The following TP63 variants were observed in gnomAD, a reference collection of about 807,000 sequenced individuals.
TP63 encodes tumor protein 63.
Under a neutral mutation model 82.8 loss-of-function variants are expected in TP63, and 17 were observed. That is an observed-to-expected ratio of 0.21 (90% CI 0.14 to 0.31). The LOEUF (loss-of-function observed/expected upper bound fraction) is 0.31, where lower values mean the gene tolerates loss of function less well. TP63 is among the 10% of genes least tolerant of loss of function. TP63 has a pLI of 1.00. For missense variants in TP63, 648 were observed against 895.3 expected (o/e 0.72, Z 3.52); for synonymous variants, 330 against 321.7 (o/e 1.03, Z -0.28).
intron 1 of TP63, 79 bp from the exon 2 acceptor site, chr3:189,737,661 A>G (rs1720693385): frequency 1.3e-6 from 2 of 1,509,100 alleles, no homozygotes; most frequent in Admixed American, 3.4e-5. Context: ...TGTTTTCATG[A>G]TAGAGTATGC....
intron 1 of TP63, among the ~76,000 whole-genome samples, chr3:189,692,560 C>T (rs1006530640): frequency 1.3e-5 from 2 of 151,986 alleles, no homozygotes; most frequent in African/African-American, 4.8e-5. Context: ...TATAGCTTTT[C>T]CTCATTCCAC....
chr3:189,722,379 T>C (rs1342661847), intron 1 of TP63, among the ~76,000 whole-genome samples: 1 of 152,228 alleles, frequency 6.6e-6, no homozygotes, highest in African/African-American at 2.4e-5. Flanking sequence ...TCAGCAATCC[T>C]TGGGCTGTAG....
intron 4 of TP63, among the ~76,000 whole-genome samples, chr3:189,840,568 T>C (rs1191738233): frequency 6.6e-6 from 1 of 151,684 alleles, no homozygotes. Flanking sequence ...TGTTAAAAAA[T>C]TGTTCACGGT....
At chr3:189,641,496 T>G (rs993653477) in intron 1 of TP63, among the ~76,000 whole-genome samples, 1 of 152,114 alleles carries the variant, frequency 6.6e-6, no homozygotes, top group Admixed American at 6.6e-5. Context: ...GTAAAACAAT[T>G]GTTTTCCATG....
chr3:189,726,296 C>G (rs1478407115), intron 1 of TP63, among the ~76,000 whole-genome samples: 1 of 152,026 alleles, frequency 6.6e-6, no homozygotes, highest in African/African-American at 2.4e-5. Context: ...GTGATCTTGA[C>G]AAGTATTTTA....
Position 189,774,303 on chromosome 3 carries a change from T to C in TP63, c.325-33969T>C, listed in dbSNP as rs76468287. Among the ~76,000 whole-genome samples, 1,439 of 152,338 alleles carry C rather than the reference T, an allele frequency of 9.4e-3. 21 individuals carry two copies. The highest frequency in any genetic ancestry group is 0.031 in the African/African-American group (1,292 of 41,570). ...CAAAAAAACCAAGTTCTTAGCTTCA[T>C]ATTTATAGTTTGTCTAAAGAAAAAA... On this transcript the variant is annotated intron_variant, in intron 3 of 13. Coordinates refer to ENST00000264731, the MANE Select transcript of TP63 (RefSeq NM_003722.5).
chr3:189,646,697 AC>A (rs1712449348), intron 1 of TP63, among the ~76,000 whole-genome samples: 1 of 146,952 alleles, frequency 6.8e-6, no homozygotes, highest in African/African-American at 2.6e-5. Context: ...TGGGAATCTG[AC>A]CTATAGAGAT....
chr3:189,792,782 T>C lies in TP63; in HGVS notation c.325-15490T>C, dbSNP rs150943038. Among the ~76,000 whole-genome samples, 429 of 152,158 alleles carry C rather than the reference T, an allele frequency of 2.8e-3. 8 individuals are homozygous for C. The South Asian group carries it at 0.044, about 16-fold the overall frequency. On this transcript the variant is annotated intron_variant, in intron 3 of 13. Coordinates refer to ENST00000264731, the MANE Select transcript of TP63 (RefSeq NM_003722.5). ...CCAAAACAGTTTCCATGAAGAACAGTTGTACAAAGCCAGTTGAATGCAAGA... is the reference window on the plus strand; with the variant it reads ...CCAAAACAGTTTCCATGAAGAACAGCTGTACAAAGCCAGTTGAATGCAAGA...
chr3:189,684,330 A>C (rs1716231765), intron 1 of TP63, among the ~76,000 whole-genome samples: 1 of 152,188 alleles, frequency 6.6e-6, no homozygotes, highest in African/African-American at 2.4e-5. Context: ...CATACACATT[A>C]TAAATGCTGT....
intron 4 of TP63, among the ~76,000 whole-genome samples, chr3:189,810,915 A>C (rs1727488714): frequency 6.6e-6 from 1 of 151,966 alleles, no homozygotes; most frequent in Admixed American, 6.6e-5. Flanking sequence ...CTAAACCATC[A>C]CTCAAAGCCC....
intron 1 of TP63, among the ~76,000 whole-genome samples, chr3:189,695,983 A>G (rs1717349009): frequency 6.6e-6 from 1 of 152,156 alleles, no homozygotes; most frequent in Admixed American, 6.5e-5. Context: ...ATATATTTGT[A>G]ATATAGTGAG....
rs542239555 is a variant in TP63 at position 189,647,857 on chromosome 3, G to A, written c.62+16280G>A. On this transcript the variant is annotated intron_variant, in intron 1 of 13. Coordinates refer to ENST00000264731, the MANE Select transcript of TP63 (RefSeq NM_003722.5). ...CAAAACAAGTGACTAAAAAGTATGC[G>A]TACATTTTAAAGATAATGTTATTTA... 1.0e-4 allele frequency among the ~76,000 whole-genome samples: 15 copies of A among 147,028 alleles called. 1 individual carries two copies. The highest frequency in any genetic ancestry group is 2.0e-4 in the African/African-American group (8 of 39,376).
At chr3:189,618,931 T>C in the TP63 span, among the ~76,000 whole-genome samples, 2,052 of 152,284 alleles carry the variant, frequency 0.013, 25 homozygotes, top group East Asian at 0.045. Flanking sequence ...CAAGCCACCC[T>C]AGCTGTGAGC....
At chr3:189,602,043 G>T in the TP63 span, among the ~76,000 whole-genome samples, 3 of 152,106 alleles carry the variant, frequency 2.0e-5, no homozygotes, top group East Asian at 3.8e-4. Flanking sequence ...GGTGTGTGTG[G>T]CTTCTAGCTT....
the TP63 span, among the ~76,000 whole-genome samples, chr3:189,618,016 T>A: frequency 0.067 from 10,233 of 152,280 alleles, 439 homozygotes; most frequent in Middle Eastern, 0.2. Context: ...ATACAGTTAC[T>A]CAAGTCAACA....
At chr3:189,786,782 G>C (rs764149220) in intron 3 of TP63, among the ~76,000 whole-genome samples, 1 of 151,864 alleles carries the variant, frequency 6.6e-6, no homozygotes, top group Admixed American at 6.6e-5. Context: ...CTGAGGACTT[G>C]GGACATTGAC....
intron 1 of TP63, among the ~76,000 whole-genome samples, chr3:189,659,226 T>C (rs189795314): frequency 6.6e-4 from 101 of 152,098 alleles, no homozygotes; most frequent in Non-Finnish European, 1.2e-3. Flanking sequence ...CCCACTCTAG[T>C]AGTCACCAGT....
At chr3:189,821,518 GA>G (rs1398923806) in intron 4 of TP63, among the ~76,000 whole-genome samples, 1 of 152,196 alleles carries the variant, frequency 6.6e-6, no homozygotes, top group African/African-American at 2.4e-5. Flanking sequence ...AACAACAAGG[GA>G]AAGAATTAGA....
At chr3:189,755,885 A>G (rs1722150989) in intron 3 of TP63, among the ~76,000 whole-genome samples, 3 of 152,178 alleles carry the variant, frequency 2.0e-5, no homozygotes, top group African/African-American at 4.8e-5. Context: ...CCAAATTGCA[A>G]TAGTGTCTCT....
Sources: allele counts gnomAD v4.1 joint callset (sites outside exome capture counted in the v4.1 genomes callset), GRCh38; gene constraint gnomAD v4.1.1; transcripts MANE v1.5; gene names NCBI Gene and HGNC (gene_info 2026-07-23, HGNC 2026-07-21).